Variants in TENM3 observed in about 807,000 individuals in gnomAD.
TENM3 encodes the protein teneurin transmembrane protein 3, also known as teneurin-3.
Under a neutral mutation model 255.1 loss-of-function variants are expected in TENM3, and 63 were observed. The ratio of observed to expected loss-of-function variants is 0.25; its 90% CI spans 0.20 to 0.30. TENM3 has a LOEUF of 0.30. Among genes scored for constraint, TENM3 ranks in the 10% least tolerant of loss-of-function variants. The pLI is 1.00. For missense variants in TENM3, 2,929 were observed against 3,461.1 expected (o/e 0.85, Z 3.86); for synonymous variants, 1,306 against 1,322.3 (o/e 0.99, Z 0.27).
the TENM3 span, among the ~76,000 whole-genome samples, chr4:181,570,539 AAG>A: frequency 2.1e-3 from 312 of 151,836 alleles, 1 homozygote; most frequent in African/African-American, 7.0e-3. Flanking sequence ...GAAGGAAAGA[AAG>A]AAAGAAAAGA....
chr4:181,580,961 G>A, the TENM3 span, among the ~76,000 whole-genome samples: 1 of 152,212 alleles, frequency 6.6e-6, no homozygotes, highest in African/African-American at 2.4e-5. Context: ...AACTATCCAA[G>A]GAGCCAAGTT....
the TENM3 span, among the ~76,000 whole-genome samples, chr4:181,570,611 AAG>A: frequency 6.6e-6 from 1 of 151,224 alleles, no homozygotes; most frequent in Non-Finnish European, 1.5e-5. Context: ...GGAAGGAAGA[AAG>A]AGAAAGAAAG....
Position 182,169,074 on chromosome 4 carries a change from T to TACAC in TENM3, c.-76+24347_-76+24350dup, listed in dbSNP as rs55885166. Among the ~76,000 whole-genome samples the TACAC allele has an allele frequency of 7.9e-3, 1,083 of 137,824 alleles. 16 individuals are homozygous for TACAC. The highest frequency in any genetic ancestry group is 0.022 in the African/African-American group (836 of 37,776). The allele number at this position is 137,824 out of a possible 152,430, so 90.4% of individuals were successfully genotyped here. Reference sequence around the variant, plus strand: ...AGATATATGTCATATAATCATGCCATACACACACACACACACACACACACA... The same window carrying TACAC: ...AGATATATGTCATATAATCATGCCATACACACACACACACACACACACACACACA... On this transcript the variant is annotated intron_variant, in intron 1 of 2. Transcript: ENST00000512480.
chr4:182,580,183 C>T (rs566508141), intron 3 of TENM3, among the ~76,000 whole-genome samples: 47 of 152,204 alleles, frequency 3.1e-4, no homozygotes, highest in African/African-American at 1.1e-3. Context: ...CAAAAGTACT[C>T]TTTTGAGAGC....
the TENM3 span, among the ~76,000 whole-genome samples, chr4:181,657,225 A>G: frequency 6.6e-6 from 1 of 152,236 alleles, no homozygotes; most frequent in Admixed American, 6.5e-5. Context: ...CTGTGGCCAC[A>G]TGAATTTGGG....
intron 12 of TENM3, among the ~76,000 whole-genome samples, chr4:182,696,767 G>T (rs1305653546): frequency 6.6e-6 from 1 of 151,800 alleles, no homozygotes; most frequent in Non-Finnish European, 1.5e-5. Flanking sequence ...CATGTTTGTG[G>T]TATTAACTGA....
chr4:181,614,341 T>C, the TENM3 span, among the ~76,000 whole-genome samples: 1 of 152,178 alleles, frequency 6.6e-6, no homozygotes, highest in Admixed American at 6.5e-5. Flanking sequence ...TAAAAAAAGA[T>C]CTGATTTTTT....
At chr4:182,372,906 T>C (rs1766936830) in intron 3 of TENM3, among the ~76,000 whole-genome samples, 1 of 152,050 alleles carries the variant, frequency 6.6e-6, no homozygotes, top group African/African-American at 2.4e-5. Flanking sequence ...TTTATTTATT[T>C]ATTTATTTTT....
Position 182,616,428 on chromosome 4 carries a change from C to A in TENM3, c.750-12223C>A, listed in dbSNP as rs377312091. ...GGGAGATATACCTAATGCTAGATGA[C>A]GAGTTAGTGGGTGCAGCGCACCAGC... On this transcript the variant is annotated intron_variant, in intron 4 of 27. Coordinates refer to ENST00000511685, the MANE Select transcript of TENM3 (RefSeq NM_001080477.4). Among the ~76,000 whole-genome samples, 33 of 146,986 alleles carry A rather than the reference C, an allele frequency of 2.2e-4. No individual in the cohort carries two copies. The East Asian group carries it at 3.4e-3, about 15-fold the overall frequency.
At chr4:181,962,871 A>T in the TENM3 span, among the ~76,000 whole-genome samples, 1 of 152,310 alleles carries the variant, frequency 6.6e-6, no homozygotes, top group South Asian at 2.1e-4. Context: ...AAATTAAATA[A>T]ATGGTACGTA....
the TENM3 span, among the ~76,000 whole-genome samples, chr4:181,504,820 C>T: frequency 6.6e-6 from 1 of 152,186 alleles, no homozygotes; most frequent in Non-Finnish European, 1.5e-5. Flanking sequence ...GAAATCAAGA[C>T]AATCCCCGAA....
the TENM3 span, among the ~76,000 whole-genome samples, chr4:182,038,350 AATT>A: frequency 2.1e-4 from 32 of 152,292 alleles, no homozygotes; most frequent in African/African-American, 6.5e-4. Flanking sequence ...TAGGATTTCA[AATT>A]ATTATTAAAT....
At chr4:181,524,142 G>A in the TENM3 span, among the ~76,000 whole-genome samples, 14,213 of 152,140 alleles carry the variant, frequency 0.093, 731 homozygotes, top group East Asian at 0.2. Context: ...GAAAATGTGG[G>A]GGAGCAGCAC....
At chr4:181,870,905 T>G in the TENM3 span, among the ~76,000 whole-genome samples, 2 of 152,136 alleles carry the variant, frequency 1.3e-5, no homozygotes, top group African/African-American at 4.8e-5. Context: ...TTTATAGTTT[T>G]GATGCAATTG....
chr4:181,657,630 C>G, the TENM3 span, among the ~76,000 whole-genome samples: 14 of 152,112 alleles, frequency 9.2e-5, no homozygotes, highest in Non-Finnish European at 2.1e-4. Context: ...CCCAGCAATC[C>G]CATGACTGGG....
the TENM3 span, among the ~76,000 whole-genome samples, chr4:181,545,860 A>G: frequency 6.6e-6 from 1 of 152,170 alleles, no homozygotes; most frequent in African/African-American, 2.4e-5. Context: ...AAAGAAATAT[A>G]TGTTTTCATG....
intron 19 of TENM3, 147 bp downstream of exon 19, chr4:182,743,566 A>G: frequency 2.3e-6 from 2 of 887,242 alleles, no homozygotes; most frequent in Non-Finnish European, 1.7e-6. Flanking sequence ...ATTCTTGCTT[A>G]AAGTTAAGAG....
At chr4:181,489,143 G>A in the TENM3 span, among the ~76,000 whole-genome samples, 1 of 152,180 alleles carries the variant, frequency 6.6e-6, no homozygotes, top group Non-Finnish European at 1.5e-5. Flanking sequence ...AATGCCCAGT[G>A]TTTCTTCCCA....
At chr4:181,885,044 T>C in the TENM3 span, among the ~76,000 whole-genome samples, 1 of 152,178 alleles carries the variant, frequency 6.6e-6, no homozygotes, top group South Asian at 2.1e-4. Context: ...TCATGTGAAA[T>C]TTTTCTTAAT....
Sources: allele counts gnomAD v4.1 joint callset (sites outside exome capture counted in the v4.1 genomes callset), GRCh38; gene constraint gnomAD v4.1.1; transcripts MANE v1.5; gene names NCBI Gene and HGNC (gene_info 2026-07-23, HGNC 2026-07-21).